LRRC37A2: variants seen among roughly 807,000 people sequenced by gnomAD.
LRRC37A2 encodes leucine-rich repeat-containing protein 37A2.
LRRC37A2 carries 9 observed loss-of-function variants against 68.8 expected under a neutral mutation model. The ratio of observed to expected loss-of-function variants is 0.13; its 90% CI spans 0.08 to 0.23. The LOEUF is 0.23. Among genes scored for constraint, LRRC37A2 ranks in the 10% least tolerant of loss-of-function variants. The probability of loss-of-function intolerance (pLI) is 1.00; values close to 1 mark genes in which losing one functional copy is unlikely to be tolerated. For synonymous variants in LRRC37A2, 63 were observed against 367.6 expected (o/e 0.17, Z 9.48); for missense variants, 168 against 950.4 (o/e 0.18, Z 10.82).
At chr17:46,707,183 A>G in the LRRC37A2 span, among the ~76,000 whole-genome samples, 1 of 152,138 alleles carries the variant, frequency 6.6e-6, no homozygotes, top group African/African-American at 2.4e-5. Flanking sequence ...AGTTAGGTGT[A>G]AAATGAGATC....
the LRRC37A2 span, among the ~76,000 whole-genome samples, chr17:46,987,635 C>T: frequency 1.6e-4 from 25 of 151,858 alleles, no homozygotes; most frequent in African/African-American, 5.6e-4. Flanking sequence ...AAGTATATAC[C>T]CAAAGAACTG....
At chr17:46,770,775 G>A in the LRRC37A2 span, among the ~76,000 whole-genome samples, 1 of 152,208 alleles carries the variant, frequency 6.6e-6, no homozygotes, top group African/African-American at 2.4e-5. Flanking sequence ...AGGGAAAGGA[G>A]AGACTCTCAA....
At chr17:46,558,063 T>G (rs1222360775), downstream of LRRC37A2, among the ~76,000 whole-genome samples, 9 of 137,194 alleles carry the variant, frequency 6.6e-5, 2 homozygotes, top group African/African-American at 2.2e-4. Context: ...GTTTTGTTTG[T>G]TTTTTTTTCT....
the LRRC37A2 span, among the ~76,000 whole-genome samples, chr17:46,780,742 G>A: frequency 5.9e-5 from 9 of 151,800 alleles, no homozygotes; most frequent in African/African-American, 1.2e-4. Flanking sequence ...GCGCCACTGC[G>A]CTCCAGCCTG....
the LRRC37A2 span, chr17:47,028,228 T>A: frequency 8.6e-6 from 10 of 1,169,040 alleles, no homozygotes; most frequent in South Asian, 1.2e-4. Flanking sequence ...AAATGATAAA[T>A]GTTCTGAAAT....
the LRRC37A2 span, among the ~76,000 whole-genome samples, chr17:46,840,688 G>T: frequency 6.6e-6 from 1 of 152,138 alleles, no homozygotes; most frequent in East Asian, 1.9e-4. Flanking sequence ...TTTAATGGTC[G>T]CCATTCTAAC....
chr17:46,740,103 C>T, the LRRC37A2 span, among the ~76,000 whole-genome samples: 1 of 152,130 alleles, frequency 6.6e-6, no homozygotes, highest in African/African-American at 2.4e-5. Context: ...TTACTTGAAC[C>T]TCACATTGTT....
At chr17:46,921,677 T>C in the LRRC37A2 span, among the ~76,000 whole-genome samples, 42 of 152,286 alleles carry the variant, frequency 2.8e-4, no homozygotes, top group South Asian at 8.3e-4. Flanking sequence ...GCGAAGGATA[T>C]GAACAGACAC....
chr17:46,548,379 C>A lies in LRRC37A2; in HGVS notation c.3240C>A (p.Tyr1080Ter). The A allele has an allele frequency of 1.7e-6, 1 of 587,936 alleles. No individual in the cohort carries two copies. The allele number at this position is 587,936 out of a possible 1,614,324, so 36.4% of individuals were successfully genotyped here. ...AGGTGTTACAAGCCCGGAAGAACTA[C>A]ACAAGCACTGAGCTGATTGTTGAGC... The change falls in exon 10 of 15, where the codon TAC becomes TAA. Residue 1080 changes from tyrosine to a stop codon, truncating the protein, a stop_gained. Coordinates refer to ENST00000576629, the Ensembl canonical transcript of LRRC37A2. LOFTEE classifies it high-confidence loss of function.
chr17:47,010,918 G>A, the LRRC37A2 span, among the ~76,000 whole-genome samples: 3 of 152,230 alleles, frequency 2.0e-5, no homozygotes, highest in East Asian at 1.9e-4. Context: ...TCCTGAGGCA[G>A]TGTGGGGTGG....
chr17:46,744,193 T>C, the LRRC37A2 span, among the ~76,000 whole-genome samples: 5 of 152,352 alleles, frequency 3.3e-5, no homozygotes, highest in Admixed American at 3.3e-4. Context: ...TGTAACTTAT[T>C]TGAAGGCACA....
the LRRC37A2 span, chr17:46,757,345 GTTAAC>G: frequency 6.6e-6 from 1 of 152,612 alleles, no homozygotes; most frequent in African/African-American, 2.4e-5. Flanking sequence ...CACACATTGT[GTTAAC>G]TTATGTCTCT....
At chr17:46,836,329 T>C in the LRRC37A2 span, among the ~76,000 whole-genome samples, 2 of 152,140 alleles carry the variant, frequency 1.3e-5, no homozygotes, top group Non-Finnish European at 2.9e-5. Context: ...GAACTGCTGT[T>C]TTTTGAACTT....
chr17:46,530,485 CTG>C (rs1275293688), intron 6 of LRRC37A2, among the ~76,000 whole-genome samples: 1 of 127,722 alleles, frequency 7.8e-6, no homozygotes, highest in Non-Finnish European at 1.6e-5. Context: ...GCAGGACAAG[CTG>C]TGTGGCTCCC....
chr17:46,882,762 A>G, the LRRC37A2 span, among the ~76,000 whole-genome samples: 2 of 152,140 alleles, frequency 1.3e-5, no homozygotes, highest in Non-Finnish European at 2.9e-5. Context: ...TGCACGAGGC[A>G]CGTGACAGGG....
At chr17:46,881,029 G>A in the LRRC37A2 span, among the ~76,000 whole-genome samples, 1 of 152,186 alleles carries the variant, frequency 6.6e-6, no homozygotes, top group Non-Finnish European at 1.5e-5. Context: ...CACGAATCCT[G>A]TGTCCCTTTT....
the LRRC37A2 span, among the ~76,000 whole-genome samples, chr17:46,920,659 T>A: frequency 1.3e-5 from 2 of 152,162 alleles, no homozygotes; most frequent in Non-Finnish European, 2.9e-5. Context: ...CACCCCTTCA[T>A]TAAGTCTCTC....
At chr17:46,612,124 C>T in the LRRC37A2 span, among the ~76,000 whole-genome samples, 1 of 65,252 alleles carries the variant, frequency 1.5e-5, no homozygotes, top group Non-Finnish European at 2.7e-5. Flanking sequence ...AAGCACATGA[C>T]AAGATCTTCA....
chr17:46,533,119 G>A (rs942237021), intron 6 of LRRC37A2, among the ~76,000 whole-genome samples: 2 of 112,620 alleles, frequency 1.8e-5, no homozygotes, highest in East Asian at 2.5e-4. Context: ...TGAACAGTAA[G>A]AAAACAAAAT....
Sources: gnomAD v4.1 joint callset for allele counts (sites outside exome capture counted in the v4.1 genomes callset) on GRCh38, gnomAD v4.1.1 for gene constraint, MANE v1.5 for transcripts, NCBI Gene and HGNC (gene_info 2026-07-23, HGNC 2026-07-21) for gene names.